Variants in TRIM9 observed in about 807,000 individuals in gnomAD.
TRIM9 encodes the protein E3 ubiquitin-protein ligase TRIM9.
Under a neutral mutation model 78.3 loss-of-function variants are expected in TRIM9, and 26 were observed. That is an observed-to-expected ratio of 0.33 (90% CI 0.24 to 0.46). The LOEUF is 0.46. Ranked by LOEUF, TRIM9 falls within the 20% of genes least tolerant of loss-of-function variation. TRIM9 has a pLI of 1.00. For synonymous variants in TRIM9, 398 were observed against 416.5 expected (o/e 0.96, Z 0.54); for missense variants, 787 against 1,036.4 (o/e 0.76, Z 3.30).
At position 51,009,090 on chromosome 14, in the gene TRIM9, C is replaced by T. The variant is rs1199244864; in HGVS notation, c.1296G>A (p.Val432=). 1 of 1,613,864 alleles carries T rather than the reference C, an allele frequency of 6.2e-7. No homozygotes were observed. The highest frequency in any genetic ancestry group is 2.2e-5 in the East Asian group (1 of 44,880). Residue 432 remains valine (V), a synonymous_variant, in exon 5 of 13, where the codon GTG becomes GTA. Transcript: ENST00000684578. ...GATGCAAGGACATACCTTTCACTTG[C>T]ACGAAATCCAGCTGGTGGATGGATT... ...LLQSIHQLDF[V]QVKASSPVPA...
chr14:51,042,105 G>A (rs1457817025), intron 1 of TRIM9, among the ~76,000 whole-genome samples: 2 of 152,170 alleles, frequency 1.3e-5, no homozygotes, highest in Non-Finnish European at 2.9e-5. Flanking sequence ...CAGGCCCTCT[G>A]CAAAATGCAA....
Position 51,094,646 on chromosome 14 carries a change from G to T in TRIM9, c.294C>A (p.Gly98=), listed in dbSNP as rs778147878. The part of the protein sequence containing the change: ...PTTPCQKSPN[G]VRVFPPAMPP... The stretch of plus-strand genomic sequence containing the variant: ...GCATAGCCGGGGGAAACACGCGGAC[G>T]CCGTTGGGGGACTTCTGGCACGGGG... The change falls in exon 1 of 13, where the codon GGC becomes GGA. Residue 98 remains glycine (G), a synonymous_variant. Coordinates refer to ENST00000684578, the MANE Select transcript of TRIM9 (RefSeq NM_001387360.1). 11 of 1,603,066 alleles carry T rather than the reference G, an allele frequency of 6.9e-6. No individual in the cohort carries two copies. In the Admixed American group the frequency reaches 1.5e-4, roughly 22 times the overall value.
rs556376806 is a variant in TRIM9, at chr14:51,092,377, C to G, written c.822+1741G>C. ...CGGGTTAAGGAGTTGAGAAAACTTT[C>G]ACTGATTGCTGAAAATTAATGACAT... is the stretch of plus-strand genomic sequence containing the variant. On this transcript the variant is annotated intron_variant, in intron 1 of 12. Coordinates refer to ENST00000684578, the MANE Select transcript of TRIM9 (RefSeq NM_001387360.1). 2.0e-5 allele frequency among the ~76,000 whole-genome samples: 3 copies of G among 152,302 alleles called. No individual in the cohort carries two copies. In the South Asian group the frequency reaches 6.2e-4, roughly 32 times the overall value.
chr14:50,976,824 A>T lies in TRIM9; in HGVS notation c.*467T>A, dbSNP rs1437414916. 1 of 152,876 alleles carries T rather than the reference A, an allele frequency of 6.5e-6. No homozygotes were observed. The highest frequency in any genetic ancestry group is 1.5e-5 in the Non-Finnish European group (1 of 68,222). The allele number at this position is 152,876 out of a possible 1,614,324, so 9.5% of individuals were successfully genotyped here. On this transcript the variant is annotated 3_prime_UTR_variant, in exon 13 of 13. Coordinates refer to ENST00000684578, the MANE Select transcript of TRIM9 (RefSeq NM_001387360.1). ...AAGAACATTCTAGCAGGTAAGCTGT[A>T]TGCTACAAATTCAGCTCATTCTTCC...
At chr14:51,087,345 CA>C (rs965803478) in intron 1 of TRIM9, among the ~76,000 whole-genome samples, 63 of 152,252 alleles carry the variant, frequency 4.1e-4, no homozygotes, top group African/African-American at 1.5e-3. Context: ...AAAAAGAAGG[CA>C]AAACCAGGGC....
rs1045038192 is a variant in TRIM9 at position 50,976,936 on chromosome 14, G to A, written c.*355C>T. The A allele has an allele frequency of 5.9e-6, 1 of 170,736 alleles. No homozygotes were observed. Among genetic ancestry groups the A allele is most frequent in the African/African-American group, 2.4e-5 (1 of 42,220 alleles). The allele number at this position is 170,736 out of a possible 1,614,324, so 10.6% of individuals were successfully genotyped here. A position where few individuals can be genotyped will look rare whatever the true frequency, so the allele number is the denominator to read the frequency against. On this transcript the variant is annotated 3_prime_UTR_variant, in exon 13 of 13. Transcript: ENST00000684578. ...ATTTTCTCCTGGCGGTGCCAGTCCA[G>A]TAAGTCACCAATAACCTGATCAGAA...
intron 1 of TRIM9, among the ~76,000 whole-genome samples, chr14:51,035,325 G>A (rs559334514): frequency 6.6e-6 from 1 of 152,124 alleles, no homozygotes; most frequent in Non-Finnish European, 1.5e-5. Context: ...CTTATTGACT[G>A]TATAGATCTA....
intron 7 of TRIM9, among the ~76,000 whole-genome samples, chr14:50,988,932 G>A (rs1596107537): frequency 6.6e-6 from 1 of 152,282 alleles, no homozygotes; most frequent in African/African-American, 2.4e-5. Context: ...AGTCCCCTGG[G>A]ATGAGGAACT....
intron 1 of TRIM9, among the ~76,000 whole-genome samples, chr14:51,061,241 T>C (rs1307557468): frequency 2.6e-5 from 4 of 152,138 alleles, no homozygotes; most frequent in Middle Eastern, 3.4e-3. Flanking sequence ...AGTGAAACCC[T>C]GTCTCTACGA....
At chr14:50,977,411 C>A (rs918019066) in intron 12 of TRIM9, 58 bp from the exon 13 acceptor site, 1 of 1,351,530 alleles carries the variant, frequency 7.4e-7, no homozygotes, top group East Asian at 2.7e-5. Context: ...TCCCTTTACA[C>A]AGTGTACCGT....
At chr14:51,043,750 G>C (rs759782096) in intron 1 of TRIM9, among the ~76,000 whole-genome samples, 17 of 152,310 alleles carry the variant, frequency 1.1e-4, no homozygotes, top group Non-Finnish European at 2.2e-4. Context: ...ACTGAGAAGA[G>C]CTGGTAGCCG....
chr14:51,043,775 G>A (rs2059740851), intron 1 of TRIM9, among the ~76,000 whole-genome samples: 1 of 152,190 alleles, frequency 6.6e-6, no homozygotes, highest in African/African-American at 2.4e-5. Context: ...ATGTGTCAAT[G>A]TAGGAATTTT....
At position 51,008,379 on chromosome 14, in the gene TRIM9, C is replaced by T. The variant is rs145565118; in HGVS notation, c.1306+701G>A. On this transcript the variant is annotated intron_variant, in intron 5 of 12. Transcript: ENST00000684578. The stretch of plus-strand genomic sequence containing the variant: ...ACAAAACTTCTTACTATTTTTGTAA[C>T]TTCTTGTGTATTTCAAAAGAAACAG... Among the ~76,000 whole-genome samples the T allele has an allele frequency of 1.7e-3, 255 of 152,242 alleles. 1 individual carries two copies. Among genetic ancestry groups the T allele is most frequent in the African/African-American group, 5.8e-3 (243 of 41,556 alleles).
chr14:50,977,828 A>G (rs1372124153), intron 12 of TRIM9, among the ~76,000 whole-genome samples: 5 of 152,218 alleles, frequency 3.3e-5, no homozygotes, highest in Non-Finnish European at 7.3e-5. Flanking sequence ...ACATGGCATT[A>G]TACTATTTTA....
At chr14:51,020,666 C>T (rs932371342) in intron 3 of TRIM9, among the ~76,000 whole-genome samples, 6 of 152,242 alleles carry the variant, frequency 3.9e-5, no homozygotes, top group African/African-American at 1.2e-4. Flanking sequence ...TGGGCAATGA[C>T]ATCTGCAGCC....
chr14:50,977,829 T>C (rs1243486277), intron 12 of TRIM9, among the ~76,000 whole-genome samples: 1 of 152,232 alleles, frequency 6.6e-6, no homozygotes, highest in Non-Finnish European at 1.5e-5. Flanking sequence ...CATGGCATTA[T>C]ACTATTTTAC....
chr14:51,048,398 AGT>A (rs1440958591), intron 1 of TRIM9, among the ~76,000 whole-genome samples: 8 of 152,326 alleles, frequency 5.3e-5, no homozygotes, highest in African/African-American at 1.7e-4. Flanking sequence ...CAGGATGCTG[AGT>A]AAGTGTTTCT....
chr14:51,013,568 G>A (rs1313406821), intron 3 of TRIM9, among the ~76,000 whole-genome samples: 1 of 152,044 alleles, frequency 6.6e-6, no homozygotes, highest in Admixed American at 6.6e-5. Flanking sequence ...AATTAAAAAG[G>A]AAAATAAAAT....
chr14:51,024,703 A>G (rs1014328123), intron 2 of TRIM9, among the ~76,000 whole-genome samples: 1 of 152,194 alleles, frequency 6.6e-6, no homozygotes, highest in African/African-American at 2.4e-5. Context: ...CATGGTTGAA[A>G]AATATTTAAA....
Sources: gnomAD v4.1 joint callset for allele counts (sites outside exome capture counted in the v4.1 genomes callset) on GRCh38, gnomAD v4.1.1 for gene constraint, MANE v1.5 for transcripts, NCBI Gene and HGNC (gene_info 2026-07-23, HGNC 2026-07-21) for gene names.